The following LAMC3 variants were observed in gnomAD, a reference collection of about 807,000 sequenced individuals.
The protein encoded by LAMC3 is laminin subunit gamma-3.
Under a neutral mutation model 173.8 loss-of-function variants are expected in LAMC3, and 128 were observed. The ratio of observed to expected loss-of-function variants is 0.74; its 90% confidence interval spans 0.64 to 0.85. The LOEUF is 0.85. LAMC3 is among the 40% of genes least tolerant of loss of function. The pLI, the probability that LAMC3 is intolerant of heterozygous loss-of-function variation, is 0.00. For synonymous variants in LAMC3, 897 were observed against 909.1 expected, an observed-to-expected ratio of 0.99 and a Z score of 0.24; for missense variants, 2,022 against 2,156.0, an observed-to-expected ratio of 0.94 and a Z score of 1.23.
intron 25 of LAMC3, among the ~76,000 whole-genome samples, chr9:131,087,231 T>A (rs1588171682): frequency 6.6e-6 from 1 of 152,252 alleles, no homozygotes; most frequent in East Asian, 1.9e-4. Context: ...TCCTCCCCTC[T>A]GTGCCTCTGT....
At chr9:131,064,828 G>A (rs1829897277) in intron 13 of LAMC3, among the ~76,000 whole-genome samples, 1 of 152,014 alleles carries the variant, frequency 6.6e-6, no homozygotes, top group Non-Finnish European at 1.5e-5. Context: ...ATCACCTGAG[G>A]TCAGGAGTTC....
At chr9:131,028,047 C>T (rs2133229323) in intron 2 of LAMC3, among the ~76,000 whole-genome samples, 1 of 152,338 alleles carries the variant, frequency 6.6e-6, no homozygotes, top group South Asian at 2.1e-4. Flanking sequence ...TGTTAGGAAC[C>T]AAGTCACACA....
At chr9:131,082,983 G>A (rs909677525) in intron 24 of LAMC3, among the ~76,000 whole-genome samples, 5 of 152,222 alleles carry the variant, frequency 3.3e-5, no homozygotes, top group South Asian at 2.1e-4. Flanking sequence ...GCTTCCTGGC[G>A]GCTTGAAGTC....
chr9:131,091,491 T>C (rs1370046995), intron 27 of LAMC3, 46 bp from the exon 28 acceptor site: 1 of 1,554,948 alleles, frequency 6.4e-7, no homozygotes, highest in Admixed American at 1.9e-5. Flanking sequence ...CCCTGGGGCC[T>C]GCAGGGCTGC....
In LAMC3 at chr9:131,026,619, G is replaced by A. The variant is rs781461600; in HGVS notation, c.678+30G>A. ...GGGAGGAGCGGGGCTTCGGAGGTTG[G>A]GACGGGGTTGGGACTGGGTCACGGC... On this transcript the variant is annotated intron_variant, in intron 2 of 27. Coordinates refer to ENST00000361069, the MANE Select transcript of LAMC3 (RefSeq NM_006059.4). This position sits in a 1 kb window ranked among gnomAD's most constrained non-coding sequence, Gnocchi z 4.8. The A allele has an allele frequency of 3.1e-5, 48 of 1,535,884 alleles. No homozygotes were observed. The highest frequency in any genetic ancestry group is 4.0e-5 in the Non-Finnish European group (46 of 1,141,960).
chr9:131,025,575 A>G (rs1219014558), intron 1 of LAMC3, among the ~76,000 whole-genome samples: 1 of 152,016 alleles, frequency 6.6e-6, no homozygotes, highest in African/African-American at 2.4e-5. Context: ...CAGGCAAAGG[A>G]GAGGAGAGCA....
intron 1 of LAMC3, among the ~76,000 whole-genome samples, chr9:131,021,790 A>G (rs1833630763): frequency 6.6e-6 from 1 of 152,172 alleles, no homozygotes; most frequent in African/African-American, 2.4e-5. Context: ...GGGTTCAATC[A>G]ATTCACTGGA....
At chr9:131,073,121 GC>G (rs1370920816) in intron 19 of LAMC3, 123 bp from the exon 20 acceptor site, 38 of 800,892 alleles carry the variant, frequency 4.7e-5, no homozygotes, top group African/African-American at 8.4e-5. Context: ...CGATGTTGTG[GC>G]CAGCTTTGTG....
chr9:131,076,110 C>T (rs1186966897), intron 21 of LAMC3, 145 bp downstream of exon 21: 15 of 847,322 alleles, frequency 1.8e-5, no homozygotes, highest in African/African-American at 8.6e-5. Flanking sequence ...GCATCCTCCT[C>T]GGAGTGGGGC....
intron 13 of LAMC3, among the ~76,000 whole-genome samples, chr9:131,063,212 G>A (rs750021560): frequency 1.4e-4 from 21 of 152,212 alleles, no homozygotes; most frequent in Non-Finnish European, 2.5e-4. Flanking sequence ...CTCAAGAACC[G>A]AGGGATGGAG....
intron 13 of LAMC3, among the ~76,000 whole-genome samples, chr9:131,065,280 C>T (rs1479262614): frequency 2.0e-5 from 3 of 152,134 alleles, no homozygotes; most frequent in African/African-American, 7.2e-5. Context: ...CCTCCAAAAG[C>T]CCCCTCGCAC....
chr9:131,071,461 C>CT, intron 17 of LAMC3, 23 bp from the exon 18 acceptor site: 1 of 1,592,390 alleles, frequency 6.3e-7, no homozygotes, highest in Non-Finnish European at 8.6e-7. Flanking sequence ...GCCTCATACA[C>CT]CTTTTCTTCC....
At chr9:131,053,469 C>G (rs924187713) in intron 11 of LAMC3, among the ~76,000 whole-genome samples, 12 of 152,354 alleles carry the variant, frequency 7.9e-5, no homozygotes, top group Admixed American at 7.2e-4. Flanking sequence ...ACCTCCCACC[C>G]TGGTCACAGT....
intron 13 of LAMC3, 81 bp from the exon 14 acceptor site, chr9:131,066,879 G>A: frequency 8.9e-6 from 14 of 1,566,634 alleles, no homozygotes; most frequent in South Asian, 3.4e-5. Flanking sequence ...GTGGAGGGAC[G>A]CTTGCTCTGC....
intron 2 of LAMC3, among the ~76,000 whole-genome samples, chr9:131,028,308 G>A (rs996201523): frequency 6.6e-6 from 1 of 152,172 alleles, no homozygotes; most frequent in African/African-American, 2.4e-5. Context: ...TGCCGAAAAG[G>A]TTGGAGTACC....
intron 9 of LAMC3, 22 bp downstream of exon 9, chr9:131,049,152 G>A: frequency 7.1e-7 from 1 of 1,415,760 alleles, no homozygotes; most frequent in East Asian, 2.5e-5. Flanking sequence ...ACCAGGTGGG[G>A]GCTGGCCGCC....
chr9:131,048,140 T>G (rs1171282533), intron 8 of LAMC3, among the ~76,000 whole-genome samples: 1 of 129,344 alleles, frequency 7.7e-6, no homozygotes, highest in African/African-American at 3.0e-5. Context: ...CGCTGCAACC[T>G]CCGCCTCTCG....
intron 3 of LAMC3, 131 bp from the exon 4 acceptor site, chr9:131,036,035 G>A (rs1364847646): frequency 1.2e-5 from 11 of 901,762 alleles, no homozygotes; most frequent in Non-Finnish European, 1.9e-5. Context: ...CACATAGTAG[G>A]TGTTCAGTGA....
At chr9:131,087,175 C>T (rs1473191625) in intron 25 of LAMC3, among the ~76,000 whole-genome samples, 2 of 152,200 alleles carry the variant, frequency 1.3e-5, no homozygotes, top group South Asian at 2.1e-4. Flanking sequence ...AGTAGGGGTC[C>T]CCGGGCTTGA....
Sources: allele counts gnomAD v4.1 joint callset (sites outside exome capture counted in the v4.1 genomes callset), GRCh38; gene constraint gnomAD v4.1.1; non-coding constraint Gnocchi (gnomAD v3.1); transcripts MANE v1.5; gene names NCBI Gene and HGNC (gene_info 2026-07-23, HGNC 2026-07-21).